Variants in ATP1B4 observed in about 807,000 individuals in gnomAD.
ATP1B4 encodes the protein protein ATP1B4.
In ATP1B4, 32 loss-of-function variants were observed where a neutral mutation model predicts 29.6. That is an observed-to-expected ratio of 1.08 (90% CI 0.82 to 1.45). ATP1B4 has a LOEUF of 1.45. Ranked by LOEUF, ATP1B4 falls within the 40% of genes most tolerant of loss-of-function variation. ATP1B4 has a pLI of 0.00. For missense variants in ATP1B4, 323 were observed against 276.2 expected (o/e 1.17, Z -1.20); for synonymous variants, 127 against 102.1 (o/e 1.24, Z -1.47).
In ATP1B4 at chrX:120,382,125, T is replaced by A. The variant is rs1487641807; in HGVS notation, c.*2491T>A. On this transcript the variant is annotated 3_prime_UTR_variant, in exon 8 of 8. Transcript: ENST00000218008. ...TGAAGCCAGTCATGTAAACATACTA[T>A]ACCAATCTAGTCCCTAACAGTGTTT... 9.0e-6 allele frequency: 1 copy of A among 111,499 alleles called. No individual in the cohort carries two copies. The highest frequency in any genetic ancestry group is 3.8e-4 in the South Asian group (1 of 2,650). 9.2% of individuals were successfully genotyped at this position (111,499 alleles called of 1,213,427 possible).
At chrX:120,366,397 T>G in intron 1 of ATP1B4, 128 bp from the exon 2 acceptor site, 1 of 755,703 alleles carries the variant, frequency 1.3e-6, no homozygotes, top group Non-Finnish European at 1.9e-6. Flanking sequence ...ACAACATGTA[T>G]GTTTATGGGA....
intron 6 of ATP1B4, among the ~76,000 whole-genome samples, chrX:120,377,899 A>G (rs919391190): frequency 2.7e-5 from 3 of 112,003 alleles, no homozygotes; most frequent in African/African-American, 9.7e-5. Flanking sequence ...ACATGACCTT[A>G]GTGAGTAATT....
intron 3 of ATP1B4, 29 bp downstream of exon 3, chrX:120,370,872 C>A: frequency 8.3e-7 from 1 of 1,200,126 alleles, no homozygotes; most frequent in South Asian, 1.8e-5. Flanking sequence ...CCTGTGTTGT[C>A]AGAACTTGCT....
In ATP1B4 at chrX:120,379,718, A is replaced by G; in HGVS notation, c.*84A>G. On this transcript the variant is annotated 3_prime_UTR_variant, in exon 8 of 8. Transcript: ENST00000218008. ...GTAGCACCTGAATTCTTTTTCTTCA[A>G]TTAGGACACAGCCAGATGGACATCT... 1 of 966,782 alleles carries G rather than the reference A, an allele frequency of 1.0e-6. No homozygotes were observed. The highest frequency in any genetic ancestry group is 1.4e-6 in the Non-Finnish European group (1 of 709,643). The allele number at this position is 966,782 out of a possible 1,213,427, so 79.7% of individuals were successfully genotyped here.
chrX:120,375,674 G>A (rs1880463094), intron 5 of ATP1B4, 106 bp downstream of exon 5: 4 of 674,493 alleles, frequency 5.9e-6, no homozygotes, highest in South Asian at 3.6e-5. Flanking sequence ...CACAGGTTTG[G>A]CCATTTTTCT....
At chrX:120,366,437 T>C in intron 1 of ATP1B4, 88 bp from the exon 2 acceptor site, 1 of 1,024,598 alleles carries the variant, frequency 9.8e-7, no homozygotes, top group Non-Finnish European at 1.3e-6. Flanking sequence ...CTCCAAATAT[T>C]GAGTCATTTC....
At chrX:120,375,958 T>A (rs1455001360) in intron 5 of ATP1B4, among the ~76,000 whole-genome samples, 1 of 111,430 alleles carries the variant, frequency 9.0e-6, no homozygotes, top group Non-Finnish European at 1.9e-5. Flanking sequence ...AAAAGTATTT[T>A]AAATAAAGAA....
At chrX:120,365,258 T>A (rs979438594) in intron 1 of ATP1B4, among the ~76,000 whole-genome samples, 3 of 112,246 alleles carry the variant, frequency 2.7e-5, no homozygotes, top group African/African-American at 9.7e-5. Flanking sequence ...ATATTTTATA[T>A]AGAGCTGTAC....
chrX:120,374,431 C>A lies in ATP1B4; in HGVS notation c.563-941C>A, dbSNP rs1273786883. 2.0e-5 allele frequency among the ~76,000 whole-genome samples: 2 copies of A among 101,308 alleles called. 1 individual carries two copies. Among genetic ancestry groups the A allele is most frequent in the African/African-American group, 7.2e-5 (2 of 27,653 alleles). The allele number at this position is 101,308 out of a possible 115,157, so 88.0% of individuals were successfully genotyped here. On this transcript the variant is annotated intron_variant, in intron 4 of 7. Transcript: ENST00000218008. Reference sequence around the variant, plus strand: ...CCTAAGTGAAGTTAAGGAGATTTAACCCAGGATATACCATATATATACCCT... The same window carrying A: ...CCTAAGTGAAGTTAAGGAGATTTAAACCAGGATATACCATATATATACCCT...
intron 4 of ATP1B4, among the ~76,000 whole-genome samples, chrX:120,374,972 A>C (rs1405464454): frequency 9.7e-6 from 1 of 102,937 alleles, no homozygotes; most frequent in Non-Finnish European, 2.0e-5. Flanking sequence ...TCCAAAATCT[A>C]CCAACTATGT....
At chrX:120,375,331 A>C (rs761851255) in intron 4 of ATP1B4, 41 bp from the exon 5 acceptor site, 5 of 1,133,486 alleles carry the variant, frequency 4.4e-6, no homozygotes, top group Non-Finnish European at 6.0e-6. Flanking sequence ...CCCCTGTAGC[A>C]CCTGTCTAAC....
chrX:120,379,433 A>G (rs372076877), intron 7 of ATP1B4, 40 bp from the exon 8 acceptor site: 149 of 1,155,488 alleles, frequency 1.3e-4, no homozygotes, highest in Non-Finnish European at 1.7e-4. Context: ...CCCTCCTACC[A>G]CCTCCCCACA....
chrX:120,371,350 C>T (rs1426082020), intron 4 of ATP1B4, 140 bp downstream of exon 4: 8 of 475,346 alleles, frequency 1.7e-5, no homozygotes, highest in Non-Finnish European at 2.9e-5. Flanking sequence ...TTGCATCCCC[C>T]TTAGCACCTG....
rs1267723924 is a variant in ATP1B4, at chrX:120,379,544, G to C, written c.984G>C (p.Gln328His). Residue 328 changes from glutamine to histidine, a missense_variant, in exon 8 of 8, where the codon CAG (glutamine) becomes CAC (histidine). Physicochemically the swap from Gln to His is conservative, Grantham distance 24. Coordinates refer to ENST00000218008, the MANE Select transcript of ATP1B4 (RefSeq NM_001142447.3). ...DVVKNQAVPV[Q>H]CQLKGKGVIN... ...TGAAGAACCAAGCAGTGCCTGTGCA[G>C]TGCCAACTGAAGGGCAAAGGCGTCA... 1 of 1,209,358 alleles carries C rather than the reference G, an allele frequency of 8.3e-7. No individual in the cohort carries two copies. The highest frequency in any genetic ancestry group is 1.7e-5 in the African/African-American group (1 of 57,184).
chrX:120,377,042 A>G (rs1402393161), intron 6 of ATP1B4, among the ~76,000 whole-genome samples: 1 of 112,088 alleles, frequency 8.9e-6, no homozygotes, highest in Non-Finnish European at 1.9e-5. Context: ...TTTGCTTCTT[A>G]AACAGGCAGT....
At chrX:120,371,837 T>C (rs1161631245) in intron 4 of ATP1B4, among the ~76,000 whole-genome samples, 1 of 112,010 alleles carries the variant, frequency 8.9e-6, no homozygotes, top group Non-Finnish European at 1.9e-5. Flanking sequence ...CCCTGCTAAT[T>C]TTTTGTATTC....
intron 1 of ATP1B4, among the ~76,000 whole-genome samples, chrX:120,365,493 G>T (rs1220026139): frequency 1.8e-5 from 2 of 112,298 alleles, no homozygotes; most frequent in Non-Finnish European, 3.8e-5. Context: ...GCAGCACAGA[G>T]CCCCTGGTCT....
At chrX:120,372,971 G>A (rs1201211872) in intron 4 of ATP1B4, among the ~76,000 whole-genome samples, 1 of 111,965 alleles carries the variant, frequency 8.9e-6, no homozygotes. Flanking sequence ...ATATATTGCC[G>A]GATTCCCTGC....
At chrX:120,377,780 A>G (rs7876477) in intron 6 of ATP1B4, among the ~76,000 whole-genome samples, 25,130 of 111,239 alleles carry the variant, frequency 0.23, 2,401 homozygotes, top group Middle Eastern at 0.31. Context: ...ATACTGGTCA[A>G]ATCCACACCC....
Sources: allele counts gnomAD v4.1 joint callset (sites outside exome capture counted in the v4.1 genomes callset), GRCh38; gene constraint gnomAD v4.1.1; transcripts MANE v1.5; gene names NCBI Gene and HGNC (gene_info 2026-07-23, HGNC 2026-07-21).